Variants in SMOC2 observed in about 807,000 individuals in gnomAD.
The protein encoded by SMOC2 is SPARC-related modular calcium-binding protein 2.
In SMOC2, 39 loss-of-function variants were observed where a neutral mutation model predicts 61.4. The ratio of observed to expected loss-of-function variants is 0.64; its 90% CI spans 0.49 to 0.83. The LOEUF (loss-of-function observed/expected upper bound fraction) is 0.83, where lower values mean the gene tolerates loss of function less well. Among genes scored for constraint, SMOC2 ranks in the 40% least tolerant of loss-of-function variants. The probability of loss-of-function intolerance (pLI) is 0.00; values close to 1 mark genes in which losing one functional copy is unlikely to be tolerated. For missense variants in SMOC2, 556 were observed against 592.9 expected (o/e 0.94, Z 0.65); for synonymous variants, 247 against 239.9 (o/e 1.03, Z -0.27).
At chr6:168,569,105 T>C (rs1470501805) in intron 7 of SMOC2, among the ~76,000 whole-genome samples, 1 of 152,236 alleles carries the variant, frequency 6.6e-6, no homozygotes, top group Non-Finnish European at 1.5e-5. Context: ...AAACTCTGTG[T>C]GTCTTCATAA....
chr6:168,560,556 A>G (rs13215056), intron 7 of SMOC2, among the ~76,000 whole-genome samples: 4,584 of 127,038 alleles, frequency 0.036, 271 homozygotes, highest in Middle Eastern at 0.063. Context: ...GCCCTGAGAC[A>G]CGAGGCTCTC....
chr6:168,585,427 G>C (rs1785025346), intron 7 of SMOC2, among the ~76,000 whole-genome samples: 1 of 152,182 alleles, frequency 6.6e-6, no homozygotes, highest in Non-Finnish European at 1.5e-5. Flanking sequence ...ACTGTATGCA[G>C]ATACCACAGC....
At chr6:168,560,160 C>G (rs1183572067) in intron 7 of SMOC2, among the ~76,000 whole-genome samples, 1 of 152,144 alleles carries the variant, frequency 6.6e-6, no homozygotes, top group Non-Finnish European at 1.5e-5. Flanking sequence ...TCATCTTTCC[C>G]CTTTTATGTA....
chr6:168,509,782 G>T, intron 1 of SMOC2, 133 bp from the exon 2 acceptor site: 2 of 741,858 alleles, frequency 2.7e-6, no homozygotes, highest in East Asian at 2.7e-5. Flanking sequence ...TCTGGCAGGG[G>T]TGAGAACCGG....
At chr6:168,458,082 T>G (rs144921928) in intron 1 of SMOC2, among the ~76,000 whole-genome samples, 140 of 152,174 alleles carry the variant, frequency 9.2e-4, no homozygotes, top group African/African-American at 3.3e-3. Context: ...CTAGGAAGGC[T>G]GGGGGGATGT....
chr6:168,543,616 C>T lies in SMOC2; in HGVS notation c.464-9C>T, dbSNP rs1466854887. The T allele has an allele frequency of 1.9e-6, 3 of 1,612,542 alleles. No homozygotes were observed. Among genetic ancestry groups the T allele is most frequent in the African/African-American group, 1.3e-5 (1 of 74,884 alleles). ...TAATTTCATTTCACTCCTTATTTTCCTCTTTTAGGTTCCGTAAATGAAAAG... is the reference window on the plus strand; with the variant it reads ...TAATTTCATTTCACTCCTTATTTTCTTCTTTTAGGTTCCGTAAATGAAAAG... On this transcript the variant is annotated splice_polypyrimidine_tract_variant and intron_variant, in intron 4 of 12. Transcript: ENST00000356284.
At chr6:168,563,243 G>T (rs995729034) in intron 7 of SMOC2, among the ~76,000 whole-genome samples, 4 of 152,138 alleles carry the variant, frequency 2.6e-5, no homozygotes, top group Non-Finnish European at 5.9e-5. Context: ...AAGCACACAC[G>T]TGCATTCATA....
chr6:168,611,226 G>A (rs35653336), intron 9 of SMOC2, among the ~76,000 whole-genome samples: 3 of 143,792 alleles, frequency 2.1e-5, no homozygotes, highest in African/African-American at 2.6e-5. Flanking sequence ...GCCTGGCTGT[G>A]GCTCCCATGT....
chr6:168,446,234 G>T (rs573207319), intron 1 of SMOC2, among the ~76,000 whole-genome samples: 1 of 152,246 alleles, frequency 6.6e-6, no homozygotes, highest in East Asian at 1.9e-4. Flanking sequence ...GTGGTGACAC[G>T]CACCTGTAGT....
At chr6:168,552,488 T>C (rs558047000) in intron 7 of SMOC2, among the ~76,000 whole-genome samples, 2 of 152,196 alleles carry the variant, frequency 1.3e-5, no homozygotes, top group Non-Finnish European at 2.9e-5. Flanking sequence ...GATGTTTCTT[T>C]ATATCAGATA....
chr6:168,583,827 A>G (rs1015466473), intron 7 of SMOC2, among the ~76,000 whole-genome samples: 3 of 152,218 alleles, frequency 2.0e-5, no homozygotes, highest in African/African-American at 7.2e-5. Flanking sequence ...TCTTCCTGGA[A>G]TAAGGGTGTC....
chr6:168,535,259 C>T lies in SMOC2; in HGVS notation c.463+7532C>T, dbSNP rs1479288510. Among the ~76,000 whole-genome samples the T allele has an allele frequency of 7.2e-5, 11 of 152,052 alleles. No individual in the cohort carries two copies. The highest frequency in any genetic ancestry group is 1.4e-4 in the African/African-American group (6 of 41,402). ...TGCTGGGATTACAGGCAGGAGCCAC[C>T]GTGCCCAGCCTCCAGAGATATTTTA... is the stretch of plus-strand genomic sequence containing the variant. On this transcript the variant is annotated intron_variant, in intron 4 of 12. Transcript: ENST00000356284. The surrounding 1 kb of genome is among the most constrained non-coding windows in gnomAD (Gnocchi z 4.6).
Position 168,553,337 on chromosome 6 carries a change from T to C in SMOC2, c.637+4134T>C, listed in dbSNP as rs1784173182. On this transcript the variant is annotated intron_variant, in intron 7 of 12. Coordinates refer to ENST00000356284, the MANE Select transcript of SMOC2 (RefSeq NM_001166412.2). This position sits in a 1 kb window ranked among gnomAD's most constrained non-coding sequence, Gnocchi z 4.2. Reference sequence around the variant, plus strand: ...TTTTACTGTCTCAAATCATCTTTGTTTTATTACTCTTTTCATAGAAGATAC... The same window carrying C: ...TTTTACTGTCTCAAATCATCTTTGTCTTATTACTCTTTTCATAGAAGATAC... 6.6e-6 allele frequency among the ~76,000 whole-genome samples: 1 copy of C among 152,204 alleles called. No individual in the cohort carries two copies. The highest frequency in any genetic ancestry group is 1.5e-5 in the Non-Finnish European group (1 of 68,038).
chr6:168,599,021 C>CA lies in SMOC2; in HGVS notation c.824+18dup. On this transcript the variant is annotated intron_variant, in intron 8 of 12. Transcript: ENST00000356284. Reference sequence around the variant, plus strand: ...ATCCACAAGGTAAATAGGGTGCACCCACCCCCCCCGGGACCATGGGAGGCT... The same window carrying CA: ...ATCCACAAGGTAAATAGGGTGCACCCAACCCCCCCCGGGACCATGGGAGGCT... 6.4e-7 allele frequency: 1 copy of CA among 1,563,352 alleles called. No homozygotes were observed. Among genetic ancestry groups the CA allele is most frequent in the African/African-American group, 1.4e-5 (1 of 72,912 alleles).
intron 7 of SMOC2, among the ~76,000 whole-genome samples, chr6:168,566,148 G>A (rs1024123003): frequency 2.0e-5 from 3 of 152,080 alleles, no homozygotes; most frequent in Non-Finnish European, 2.9e-5. Flanking sequence ...CACCTTGGCC[G>A]GCAGGGAGGT....
chr6:168,559,970 A>G (rs976029869), intron 7 of SMOC2, among the ~76,000 whole-genome samples: 1 of 152,228 alleles, frequency 6.6e-6, no homozygotes, highest in Admixed American at 6.5e-5. Context: ...AGAGTTTAAA[A>G]AATGTTCATG....
intron 7 of SMOC2, among the ~76,000 whole-genome samples, chr6:168,569,545 A>G (rs543140004): frequency 3.9e-5 from 6 of 152,206 alleles, no homozygotes; most frequent in Non-Finnish European, 8.8e-5. Context: ...GACTCAAGCC[A>G]TCATCCTGCC....
Position 168,453,998 on chromosome 6 carries a change from G to A in SMOC2, c.84+12544G>A, listed in dbSNP as rs1490845223. 6.6e-6 allele frequency among the ~76,000 whole-genome samples: 1 copy of A among 151,304 alleles called. No homozygotes were observed. Among genetic ancestry groups the A allele is most frequent in the Non-Finnish European group, 1.5e-5 (1 of 67,852 alleles). ...TATCTTTCTTTGCCCCTCTATTTCT[G>A]TCTCGATCTCTCTCTGTCCTTGTCT... is the stretch of plus-strand genomic sequence containing the variant. On this transcript the variant is annotated intron_variant, in intron 1 of 12. Transcript: ENST00000356284. This position sits in a 1 kb window ranked among gnomAD's most constrained non-coding sequence, Gnocchi z 4.4.
chr6:168,522,424 A>G (rs1583077818), intron 2 of SMOC2, among the ~76,000 whole-genome samples: 1 of 152,390 alleles, frequency 6.6e-6, no homozygotes, highest in East Asian at 1.9e-4. Context: ...CATTATTTAC[A>G]ATAGCCAAAA....
Sources: allele counts gnomAD v4.1 joint callset (sites outside exome capture counted in the v4.1 genomes callset), GRCh38; gene constraint gnomAD v4.1.1; non-coding constraint Gnocchi (gnomAD v3.1); transcripts MANE v1.5; gene names NCBI Gene and HGNC (gene_info 2026-07-23, HGNC 2026-07-21).